Variants in WDFY4 observed in about 807,000 individuals in gnomAD.
WDFY4 encodes WD repeat- and FYVE domain-containing protein 4.
Under a neutral mutation model 351.9 loss-of-function variants are expected in WDFY4, and 169 were observed. The ratio of observed to expected loss-of-function variants is 0.48; its 90% CI spans 0.42 to 0.55. The LOEUF is 0.55. WDFY4 is among the 20% of genes least tolerant of loss of function. WDFY4 has a pLI of 0.00. For missense variants in WDFY4, 3,803 were observed against 3,935.6 expected, an observed-to-expected ratio of 0.97 and a Z score of 0.90; for synonymous variants, 1,622 against 1,574.6, an observed-to-expected ratio of 1.03 and a Z score of -0.71.
chr10:48,842,312 A>G (rs2068633860), intron 39 of WDFY4, among the ~76,000 whole-genome samples: 1 of 151,856 alleles, frequency 6.6e-6, no homozygotes, highest in Non-Finnish European at 1.5e-5. Flanking sequence ...AAAGACAGGC[A>G]TCATCATTGC....
At chr10:48,710,181 C>A (rs1237165380) in intron 2 of WDFY4, among the ~76,000 whole-genome samples, 1 of 152,082 alleles carries the variant, frequency 6.6e-6, no homozygotes, top group African/African-American at 2.4e-5. Context: ...TAGTTTGGAG[C>A]CTGGGAAGTC....
intron 1 of WDFY4, among the ~76,000 whole-genome samples, chr10:48,685,599 T>A (rs978300846): frequency 4.6e-5 from 7 of 152,220 alleles, no homozygotes; most frequent in African/African-American, 1.7e-4. Context: ...TTGAAACGCC[T>A]GCATTTTCTG....
At chr10:48,779,693 G>A (rs951752643) in intron 18 of WDFY4, among the ~76,000 whole-genome samples, 14 of 152,150 alleles carry the variant, frequency 9.2e-5, no homozygotes, top group South Asian at 4.1e-4. Flanking sequence ...ATGTATGAGC[G>A]CCTACCTCAC....
chr10:48,870,713 C>A (rs930401306), intron 40 of WDFY4, among the ~76,000 whole-genome samples: 4 of 152,138 alleles, frequency 2.6e-5, no homozygotes, highest in African/African-American at 7.2e-5. Flanking sequence ...TTTCAGAGCA[C>A]CTTTGCAGGT....
In WDFY4 at chr10:48,832,565, T is replaced by C. The variant is rs3747872; in HGVS notation, c.6527-8T>C. The C allele has an allele frequency of 3.2e-6, 5 of 1,538,582 alleles. No individual in the cohort carries two copies. The African/African-American group carries it at 6.9e-5, about 21-fold the overall frequency. On this transcript the variant is annotated splice_region_variant and splice_polypyrimidine_tract_variant and intron_variant, in intron 38 of 61. Coordinates refer to ENST00000325239, the MANE Select transcript of WDFY4 (RefSeq NM_001394531.1). Reference sequence around the variant, plus strand: ...CACCTCTGACATTCTTTGCTTCCCTTCCCTCAGCATCTGAGAAGAAGTCAC... The same window carrying C: ...CACCTCTGACATTCTTTGCTTCCCTCCCCTCAGCATCTGAGAAGAAGTCAC...
In WDFY4 at chr10:48,877,250, G is replaced by T. The variant is rs569490245; in HGVS notation, c.7167+51G>T. The T allele has an allele frequency of 8.9e-5, 134 of 1,511,714 alleles. 2 individuals are homozygous for T. The South Asian group carries it at 1.4e-3, about 16-fold the overall frequency. 93.6% of individuals were successfully genotyped at this position (1,511,714 alleles called of 1,614,324 possible). A position where few individuals can be genotyped will look rare whatever the true frequency, so the allele number is the denominator to read the frequency against. ...TTAAGATTTTTAAGTTAGTTGTTAA[G>T]ATTGTCAGACAGGAGAAAACCAAGC... On this transcript the variant is annotated intron_variant, in intron 43 of 61. Coordinates refer to ENST00000325239, the MANE Select transcript of WDFY4 (RefSeq NM_001394531.1).
chr10:48,694,416 T>C (rs1451634033), intron 1 of WDFY4, among the ~76,000 whole-genome samples: 5 of 152,108 alleles, frequency 3.3e-5, no homozygotes, highest in Non-Finnish European at 7.4e-5. Flanking sequence ...ACTTCCCTCC[T>C]ACTCCCTCTC....
chr10:48,687,915 G>T (rs553608127), intron 1 of WDFY4, among the ~76,000 whole-genome samples: 1 of 152,038 alleles, frequency 6.6e-6, no homozygotes, highest in Non-Finnish European at 1.5e-5. Flanking sequence ...TCCAGTAGCT[G>T]GGACTACTGG....
chr10:48,876,931 G>A (rs2070038345), intron 42 of WDFY4, 102 bp from the exon 43 acceptor site: 2 of 1,239,070 alleles, frequency 1.6e-6, no homozygotes, highest in South Asian at 3.8e-5. Flanking sequence ...TTCGGCCCTG[G>A]AGCCTTGCTG....
chr10:48,813,643 T>C (rs1222944866), intron 30 of WDFY4, among the ~76,000 whole-genome samples: 37 of 152,226 alleles, frequency 2.4e-4, no homozygotes. Flanking sequence ...TTGAATTCTT[T>C]ATATGTCTTA....
intron 59 of WDFY4, among the ~76,000 whole-genome samples, chr10:48,977,790 A>C (rs369256883): frequency 1.3e-5 from 2 of 152,352 alleles, no homozygotes; most frequent in Admixed American, 6.5e-5. Flanking sequence ...TCACAGAAGC[A>C]TTTGAGAGGA....
chr10:48,858,221 A>T (rs1372224858), intron 39 of WDFY4, among the ~76,000 whole-genome samples: 1 of 152,218 alleles, frequency 6.6e-6, no homozygotes, highest in East Asian at 1.9e-4. Flanking sequence ...TTGCAGAGCA[A>T]AATTTTAATG....
At chr10:48,834,323 G>T (rs1471105775) in intron 39 of WDFY4, among the ~76,000 whole-genome samples, 1 of 152,140 alleles carries the variant, frequency 6.6e-6, no homozygotes, top group Non-Finnish European at 1.5e-5. Context: ...TCAGAGTGAA[G>T]ATAGGATCCC....
At chr10:48,953,333 T>TCTCTCTCTCTCACACACACA (rs771339557) in intron 51 of WDFY4, among the ~76,000 whole-genome samples, 9 of 128,128 alleles carry the variant, frequency 7.0e-5, no homozygotes, top group Admixed American at 1.6e-4. Flanking sequence ...TCTCTCTCTC[T>TCTCTCTCTCTCACACACACA]CACACACACA....
rs191802713 is a variant in WDFY4, at chr10:48,821,719, T to A, written c.5824+543T>A. The stretch of plus-strand genomic sequence containing the variant: ...CAAGCCACAGGAATCCCTAGGAACA[T>A]GAGTCCTACTCTGGACTTCTCCTTG... On this transcript the variant is annotated intron_variant, in intron 34 of 61. Coordinates refer to ENST00000325239, the MANE Select transcript of WDFY4 (RefSeq NM_001394531.1). Among the ~76,000 whole-genome samples the A allele has an allele frequency of 2.6e-5, 4 of 152,330 alleles. No individual in the cohort carries two copies. The East Asian group carries it at 7.7e-4, about 29-fold the overall frequency.
chr10:48,957,657 T>C (rs1841662545), intron 52 of WDFY4, among the ~76,000 whole-genome samples: 1 of 152,228 alleles, frequency 6.6e-6, no homozygotes, highest in Non-Finnish European at 1.5e-5. Flanking sequence ...ATTTCCTCCA[T>C]GTCCCACAAA....
In WDFY4 at chr10:48,817,317, G is replaced by A. The variant is rs536727293; in HGVS notation, c.5413G>A (p.Val1805Ile). ...CAGCGTGCTGCAGTTCCTCAGCCTC[G>A]TCCACCGCACCTACCCCCAGGACCC... The part of the protein sequence containing the change: ...PASVLQFLSL[V>I]HRTYPQDPAW... Residue 1805 changes from valine (V) to isoleucine (I), a missense_variant, in exon 32 of 62, where the codon GTC becomes ATC. By Grantham distance (29) the Val-to-Ile change is conservative. Coordinates refer to ENST00000325239, the MANE Select transcript of WDFY4 (RefSeq NM_001394531.1). The A allele has an allele frequency of 4.9e-5, 76 of 1,551,620 alleles. No individual in the cohort carries two copies. Among genetic ancestry groups the A allele is most frequent in the Admixed American group, 5.9e-5 (3 of 51,002 alleles).
intron 13 of WDFY4, among the ~76,000 whole-genome samples, chr10:48,769,467 A>G (rs148853317): frequency 4.2e-4 from 64 of 152,314 alleles, no homozygotes; most frequent in African/African-American, 1.4e-3. Flanking sequence ...CTTAAAGTCT[A>G]TCATCTCTCT....
intron 1 of WDFY4, among the ~76,000 whole-genome samples, chr10:48,690,912 C>T (rs1482895404): frequency 6.6e-6 from 1 of 152,182 alleles, no homozygotes; most frequent in East Asian, 1.9e-4. Flanking sequence ...TCTGGTAGCC[C>T]AGCCCCCAGC....
Sources: gnomAD v4.1 joint callset for allele counts (sites outside exome capture counted in the v4.1 genomes callset) on GRCh38, gnomAD v4.1.1 for gene constraint, MANE v1.5 for transcripts, NCBI Gene and HGNC (gene_info 2026-07-23, HGNC 2026-07-21) for gene names.